SNTG1: variants seen among roughly 807,000 people sequenced by gnomAD.
The protein encoded by SNTG1 is gamma-1-syntrophin.
Under a neutral mutation model 74.7 loss-of-function variants are expected in SNTG1, and 39 were observed. That is an observed-to-expected ratio of 0.52 (90% confidence interval 0.40 to 0.68). SNTG1 has a LOEUF of 0.68. SNTG1 is among the 30% of genes least tolerant of loss of function. SNTG1 has a pLI of 0.00. For synonymous variants in SNTG1, 254 were observed against 217.1 expected (o/e 1.17, Z -1.49); for missense variants, 685 against 609.5 (o/e 1.12, Z -1.30).
At chr8:50,429,785 C>T (rs994252358) in intron 4 of SNTG1, among the ~76,000 whole-genome samples, 3 of 151,864 alleles carry the variant, frequency 2.0e-5, no homozygotes, top group African/African-American at 7.3e-5. Context: ...TCTCGCAACT[C>T]AATTAAACGG....
intron 1 of SNTG1, among the ~76,000 whole-genome samples, chr8:50,037,886 A>G (rs1378380593): frequency 1.3e-5 from 2 of 152,214 alleles, no homozygotes; most frequent in South Asian, 2.1e-4. Flanking sequence ...GAATTACTCA[A>G]TGTTAGCCAT....
rs1461524898 is a variant in SNTG1 at position 50,425,427 on chromosome 8, A to G, written c.163-13116A>G. On this transcript the variant is annotated intron_variant, in intron 4 of 18. Coordinates refer to ENST00000642720, the MANE Select transcript of SNTG1 (RefSeq NM_018967.5). ...GTTGTGCACTCCTTATGAGAATCTAATACCTGATGATCTGTCACTGTCTCT... is the reference window on the plus strand; with the variant it reads ...GTTGTGCACTCCTTATGAGAATCTAGTACCTGATGATCTGTCACTGTCTCT... Among the ~76,000 whole-genome samples, 14 of 152,228 alleles carry G rather than the reference A, an allele frequency of 9.2e-5. No homozygotes were observed. The East Asian group carries it at 1.7e-3, about 19-fold the overall frequency.
chr8:50,564,374 AT>A (rs1435839945), intron 12 of SNTG1, among the ~76,000 whole-genome samples: 1 of 152,114 alleles, frequency 6.6e-6, no homozygotes, highest in Non-Finnish European at 1.5e-5. Context: ...ACAACCTTAC[AT>A]TTTATTATAA....
intron 1 of SNTG1, among the ~76,000 whole-genome samples, chr8:50,102,828 A>G (rs1463882419): frequency 6.7e-6 from 1 of 149,310 alleles, no homozygotes; most frequent in Non-Finnish European, 1.5e-5. Context: ...TCCTTTCCCC[A>G]TTGCTTGTTT....
At chr8:50,584,081 G>C (rs2094630456) in intron 12 of SNTG1, among the ~76,000 whole-genome samples, 2 of 151,988 alleles carry the variant, frequency 1.3e-5, no homozygotes, top group Admixed American at 6.6e-5. Flanking sequence ...CTTCATCCAT[G>C]TCCCTACAAA....
At chr8:50,006,591 T>C (rs1030646066) in intron 1 of SNTG1, among the ~76,000 whole-genome samples, 2 of 152,222 alleles carry the variant, frequency 1.3e-5, no homozygotes, top group African/African-American at 4.8e-5. Context: ...ACATAGGTCC[T>C]GGCCTAGTTT....
Position 50,484,098 on chromosome 8 carries a change from T to C in SNTG1, c.364-18680T>C, listed in dbSNP as rs567343904. 3.7e-4 allele frequency among the ~76,000 whole-genome samples: 40 copies of C among 108,622 alleles called. 1 individual carries two copies. Among genetic ancestry groups the C allele is most frequent in the African/African-American group, 1.2e-3 (39 of 33,902 alleles). The allele number at this position is 108,622 out of a possible 152,430, so 71.3% of individuals were successfully genotyped here. On this transcript the variant is annotated intron_variant, in intron 8 of 18. Coordinates refer to ENST00000642720, the MANE Select transcript of SNTG1 (RefSeq NM_018967.5). ...TTTCTCTTTTTCTTTCTCTCTTTCT[T>C]TCTCTCTTTCTTTCTTTCTTTCTTT...
chr8:50,765,707 C>T (rs1466748990), intron 18 of SNTG1, among the ~76,000 whole-genome samples: 1 of 151,908 alleles, frequency 6.6e-6, no homozygotes, highest in Non-Finnish European at 1.5e-5. Context: ...CTCTTGATAA[C>T]CCCAATGAAT....
intron 2 of SNTG1, among the ~76,000 whole-genome samples, chr8:50,350,047 G>C (rs6986376): frequency 8.5e-5 from 13 of 152,184 alleles, no homozygotes; most frequent in Admixed American, 2.0e-4. Context: ...GCAATGAGGG[G>C]CTTAGCACCC....
chr8:50,577,919 A>T (rs1391982540), intron 12 of SNTG1, among the ~76,000 whole-genome samples: 1 of 152,250 alleles, frequency 6.6e-6, no homozygotes, highest in Non-Finnish European at 1.5e-5. Context: ...TTCAAAGTCC[A>T]GTCCTCAGTG....
At chr8:50,566,557 G>A (rs942408728) in intron 12 of SNTG1, among the ~76,000 whole-genome samples, 1 of 151,908 alleles carries the variant, frequency 6.6e-6, no homozygotes, top group Non-Finnish European at 1.5e-5. Flanking sequence ...CAAAATTTAG[G>A]CAGCATAAAA....
At chr8:50,792,582 G>A in intron 18 of SNTG1, 89 bp from the exon 19 acceptor site, 2 of 1,268,006 alleles carry the variant, frequency 1.6e-6, no homozygotes, top group Non-Finnish European at 2.2e-6. Context: ...CTAGATAAGT[G>A]TATTGAAATT....
At chr8:50,044,112 C>A (rs1386219693) in intron 1 of SNTG1, among the ~76,000 whole-genome samples, 1 of 152,196 alleles carries the variant, frequency 6.6e-6, no homozygotes, top group Non-Finnish European at 1.5e-5. Flanking sequence ...CCATATCCCC[C>A]TCTTTTTCGC....
At chr8:50,337,684 C>T (rs1051493032) in intron 2 of SNTG1, among the ~76,000 whole-genome samples, 1 of 152,142 alleles carries the variant, frequency 6.6e-6, no homozygotes, top group Non-Finnish European at 1.5e-5. Context: ...TTGTTAGGGT[C>T]GCAACCCATG....
chr8:50,064,160 T>C (rs2130956067), intron 1 of SNTG1, among the ~76,000 whole-genome samples: 1 of 152,320 alleles, frequency 6.6e-6, no homozygotes, highest in East Asian at 1.9e-4. Context: ...AAGAACTCAA[T>C]ACATGTTAGC....
At chr8:50,772,314 G>A (rs1285619779) in intron 18 of SNTG1, among the ~76,000 whole-genome samples, 1 of 152,100 alleles carries the variant, frequency 6.6e-6, no homozygotes, top group African/African-American at 2.4e-5. Flanking sequence ...GAGATATGAA[G>A]TAAAATAAAA....
At chr8:50,597,541 T>C (rs117541764) in intron 13 of SNTG1, among the ~76,000 whole-genome samples, 2,676 of 151,842 alleles carry the variant, frequency 0.018, 39 homozygotes, top group Middle Eastern at 0.031. Context: ...CTCTTTGACA[T>C]ACTGATTTCA....
intron 2 of SNTG1, among the ~76,000 whole-genome samples, chr8:50,256,749 C>G (rs1236709200): frequency 6.6e-6 from 1 of 151,412 alleles, no homozygotes; most frequent in African/African-American, 2.4e-5. Flanking sequence ...ACTCCACAAC[C>G]ATTTAACTGC....
At chr8:50,057,825 A>G (rs1820154690) in intron 1 of SNTG1, among the ~76,000 whole-genome samples, 1 of 151,978 alleles carries the variant, frequency 6.6e-6, no homozygotes, top group Non-Finnish European at 1.5e-5. Flanking sequence ...GAATGAACCT[A>G]TTTTAGGGTT....
Sources: gnomAD v4.1 joint callset for allele counts (sites outside exome capture counted in the v4.1 genomes callset) on GRCh38, gnomAD v4.1.1 for gene constraint, MANE v1.5 for transcripts, NCBI Gene and HGNC (gene_info 2026-07-23, HGNC 2026-07-21) for gene names.